The following DYNC1I2 variants were observed in gnomAD, a reference collection of about 807,000 sequenced individuals.
The protein encoded by DYNC1I2 is dynein cytoplasmic 1 intermediate chain 2.
A neutral mutation model predicts 88.6 loss-of-function variants in DYNC1I2; 53 were observed. The ratio of observed to expected loss-of-function variants is 0.60; its 90% CI spans 0.48 to 0.75. DYNC1I2 has a LOEUF of 0.75. Among genes scored for constraint, DYNC1I2 ranks in the 30% least tolerant of loss-of-function variants. The pLI is 0.00. For synonymous variants in DYNC1I2, 198 were observed against 254.6 expected (o/e 0.78, Z 2.12); for missense variants, 458 against 766.6 (o/e 0.60, Z 4.75).
intron 3 of DYNC1I2, among the ~76,000 whole-genome samples, chr2:171,701,835 A>G (rs1055965678): frequency 3.3e-5 from 5 of 152,200 alleles, no homozygotes; most frequent in Admixed American, 6.5e-5. Flanking sequence ...ATAATTTTCA[A>G]CAAAGGTTTT....
intron 2 of DYNC1I2, 41 bp from the exon 3 acceptor site, chr2:171,692,736 A>G (rs1431923538): frequency 7.0e-7 from 1 of 1,428,112 alleles, no homozygotes. Flanking sequence ...CAAATTTTTC[A>G]TACTATATGT....
chr2:171,715,613 T>A (rs140749177), intron 7 of DYNC1I2, among the ~76,000 whole-genome samples, 170 bp downstream of exon 7: 370 of 152,304 alleles, frequency 2.4e-3, no homozygotes, highest in African/African-American at 8.3e-3. Flanking sequence ...TATTTATGTC[T>A]TCATTTTTTC....
At chr2:171,739,768 C>T (rs548767917) in intron 15 of DYNC1I2, among the ~76,000 whole-genome samples, 4 of 140,948 alleles carry the variant, frequency 2.8e-5, no homozygotes, top group African/African-American at 8.0e-5. Context: ...TGCAGTGGCA[C>T]GATCTTGGCT....
Position 171,712,793 on chromosome 2 carries a change from C to G in DYNC1I2, c.362C>G (p.Ser121Ter), listed in dbSNP as rs1687213125. Residue 121 changes from serine to a stop codon, truncating the protein, a stop_gained, in exon 6 of 18, where the codon TCA becomes TGA. Coordinates refer to ENST00000397119, the MANE Select transcript of DYNC1I2 (RefSeq NM_001378.3). LOFTEE classifies it high-confidence loss of function. ...SRTLHWDTDP[S>*]VLQLHSDSDL... ...ACGCTGCATTGGGATACAGATCCAT[C>G]AGTTCTTCAGCTTCACTCAGATTCC... The G allele has an allele frequency of 3.7e-6, 6 of 1,613,528 alleles. No individual in the cohort carries two copies. The highest frequency in any genetic ancestry group is 5.1e-6 in the Non-Finnish European group (6 of 1,179,600).
At chr2:171,724,727 T>C (rs1382765494) in intron 7 of DYNC1I2, among the ~76,000 whole-genome samples, 3 of 152,244 alleles carry the variant, frequency 2.0e-5, no homozygotes, top group Non-Finnish European at 4.4e-5. Context: ...CTTTCCCTTA[T>C]AGACAAATAA....
intron 5 of DYNC1I2, among the ~76,000 whole-genome samples, chr2:171,711,464 T>G (rs1000871618): frequency 2.0e-5 from 3 of 152,228 alleles, no homozygotes; most frequent in Admixed American, 2.0e-4. Flanking sequence ...GATTTTAGAC[T>G]AAAATGACAT....
At chr2:171,725,136 G>T (rs1688152141) in intron 7 of DYNC1I2, among the ~76,000 whole-genome samples, 1 of 152,174 alleles carries the variant, frequency 6.6e-6, no homozygotes, top group Non-Finnish European at 1.5e-5. Context: ...ATTAGACACT[G>T]ATGGTTTCAG....
In DYNC1I2 at chr2:171,748,986, CTATT is replaced by C. The variant is rs372079987; in HGVS notation, c.*1103_*1106del. 7.9e-4 allele frequency among the ~76,000 whole-genome samples: 120 copies of C among 152,236 alleles called. No individual in the cohort carries two copies. Among genetic ancestry groups the C allele is most frequent in the African/African-American group, 1.7e-3 (69 of 41,566 alleles). On this transcript the variant is annotated 3_prime_UTR_variant, in exon 18 of 18. Transcript: ENST00000397119. Reference sequence around the variant, plus strand: ...CTTGATTTTATCTACTTTAAATTGTCTATTTATTTGATCCCAACCTTTTGTACTT... The same window carrying C: ...CTTGATTTTATCTACTTTAAATTGTCTATTTGATCCCAACCTTTTGTACTT...
chr2:171,705,503 A>G (rs1686611688), intron 3 of DYNC1I2, among the ~76,000 whole-genome samples: 1 of 152,104 alleles, frequency 6.6e-6, no homozygotes, highest in African/African-American at 2.4e-5. Flanking sequence ...TTCTTCTTTA[A>G]AAATCTTGAA....
intron 7 of DYNC1I2, among the ~76,000 whole-genome samples, chr2:171,719,211 TA>T (rs11357891): frequency 0.81 from 123,569 of 151,996 alleles, 51,431 homozygotes; most frequent in Non-Finnish European, 0.91. Context: ...GAGCTATCCT[TA>T]ACCCTTTGGA....
chr2:171,712,923 T>A, intron 6 of DYNC1I2, 97 bp downstream of exon 6: 1 of 1,028,238 alleles, frequency 9.7e-7, no homozygotes, highest in Non-Finnish European at 1.5e-6. Flanking sequence ...TAATATTGTA[T>A]CACGTAGTAA....
chr2:171,708,940 AC>A (rs1335111501), intron 5 of DYNC1I2, among the ~76,000 whole-genome samples: 3 of 151,830 alleles, frequency 2.0e-5, no homozygotes, highest in Non-Finnish European at 4.4e-5. Context: ...TGATCCACCC[AC>A]CTTGGCCTCC....
chr2:171,743,239 T>A (rs983313781), intron 15 of DYNC1I2, among the ~76,000 whole-genome samples: 6 of 152,182 alleles, frequency 3.9e-5, no homozygotes, highest in Admixed American at 6.5e-5. Context: ...TAAGTGGATG[T>A]GGATCATCAT....
chr2:171,713,150 G>C (rs910669128), intron 6 of DYNC1I2, among the ~76,000 whole-genome samples: 1 of 152,038 alleles, frequency 6.6e-6, no homozygotes, highest in Non-Finnish European at 1.5e-5. Context: ...AGGGTTACTT[G>C]ATATGAATAT....
chr2:171,707,533 A>G lies in DYNC1I2; in HGVS notation c.335+156A>G, dbSNP rs1686776323. Among the ~76,000 whole-genome samples the G allele has an allele frequency of 2.0e-5, 3 of 152,040 alleles. No individual in the cohort carries two copies. In the South Asian group the frequency reaches 6.2e-4, roughly 32 times the overall value. ...GAAATTCTCTGTTGGACACTGGGAG[A>G]AAAAAAAGGTTTCTTTGTTTTTTTT... is the stretch of plus-strand genomic sequence containing the variant. On this transcript the variant is annotated intron_variant, in intron 5 of 17. Coordinates refer to ENST00000397119, the MANE Select transcript of DYNC1I2 (RefSeq NM_001378.3).
At chr2:171,703,790 A>G (rs188628043) in intron 3 of DYNC1I2, among the ~76,000 whole-genome samples, 1 of 152,284 alleles carries the variant, frequency 6.6e-6, no homozygotes, top group East Asian at 1.9e-4. Context: ...CGGGCTAAGA[A>G]CACTTGTGTC....
chr2:171,732,871 T>A (rs1417825144), intron 15 of DYNC1I2, among the ~76,000 whole-genome samples: 2 of 152,222 alleles, frequency 1.3e-5, no homozygotes, highest in Non-Finnish European at 2.9e-5. Flanking sequence ...TTTTTAAAAC[T>A]TTTATTTTAC....
Position 171,744,209 on chromosome 2 carries a change from A to G in DYNC1I2, c.1677+20A>G. 7.7e-6 allele frequency: 12 copies of G among 1,564,310 alleles called. No individual in the cohort carries two copies. The highest frequency in any genetic ancestry group is 1.0e-5 in the Non-Finnish European group (12 of 1,161,984). On this transcript the variant is annotated intron_variant, in intron 16 of 17. Transcript: ENST00000397119. The stretch of plus-strand genomic sequence containing the variant: ...ACAGAGGTGAGCAGGAAAATAACAA[A>G]AATTGCATTGAAAAATAGAAAATTG...
At chr2:171,745,049 G>C (rs1038210130) in intron 16 of DYNC1I2, among the ~76,000 whole-genome samples, 1 of 152,136 alleles carries the variant, frequency 6.6e-6, no homozygotes, top group Admixed American at 6.5e-5. Context: ...TTGGTATTCT[G>C]TGTATGGGGT....
Sources: allele counts gnomAD v4.1 joint callset (sites outside exome capture counted in the v4.1 genomes callset), GRCh38; gene constraint gnomAD v4.1.1; transcripts MANE v1.5; gene names NCBI Gene and HGNC (gene_info 2026-07-23, HGNC 2026-07-21).